C9: variants seen among roughly 807,000 people sequenced by gnomAD.
C9 encodes the protein complement component C9.
C9 carries 63 observed loss-of-function variants against 65.4 expected under a neutral mutation model. The observed-to-expected ratio is 0.96, with a 90% confidence interval of 0.79 to 1.19. The LOEUF (loss-of-function observed/expected upper bound fraction) is 1.19, where lower values mean the gene tolerates loss of function less well. Among genes scored for constraint, C9 ranks in the 50% most tolerant of loss-of-function variants. The pLI, the probability that C9 is intolerant of heterozygous loss-of-function variation, is 0.00. For missense variants in C9, 744 were observed against 670.1 expected, an observed-to-expected ratio of 1.11 and a Z score of -1.22; for synonymous variants, 229 against 227.9, an observed-to-expected ratio of 1.00 and a Z score of -0.04.
chr5:39,350,510 C>T (rs148755350), intron 1 of C9, among the ~76,000 whole-genome samples: 45 of 152,250 alleles, frequency 3.0e-4, no homozygotes, highest in Non-Finnish European at 5.6e-4. Flanking sequence ...TCCCTTCTGC[C>T]TATGAGCCTG....
chr5:39,296,251 A>C (rs575481394), intron 9 of C9, among the ~76,000 whole-genome samples: 6 of 151,670 alleles, frequency 4.0e-5, no homozygotes, highest in Non-Finnish European at 8.9e-5. Flanking sequence ...AATGGGGAAA[A>C]ATATTTTCAA....
intron 1 of C9, among the ~76,000 whole-genome samples, chr5:39,357,425 T>C (rs756782119): frequency 6.6e-6 from 1 of 152,240 alleles, no homozygotes; most frequent in African/African-American, 2.4e-5. Context: ...GCTTCTCTCA[T>C]GTGCTTTAAA....
In C9 at chr5:39,339,279, A is replaced by T. The variant is rs138659438; in HGVS notation, c.476+1867T>A. Among the ~76,000 whole-genome samples the T allele has an allele frequency of 5.4e-3, 818 of 152,320 alleles. 6 individuals carry two copies. The highest frequency in any genetic ancestry group is 0.017 in the African/African-American group (711 of 41,566). ...TTAGGCTAAGGGCCAAAGGCACTGT[A>T]AGTAATTTTGAATGCTGCTTGAACA... On this transcript the variant is annotated intron_variant, in intron 4 of 10. Coordinates refer to ENST00000263408, the MANE Select transcript of C9 (RefSeq NM_001737.5).
chr5:39,289,787 G>A (rs1030129828), intron 9 of C9, among the ~76,000 whole-genome samples: 1 of 151,740 alleles, frequency 6.6e-6, no homozygotes, highest in African/African-American at 2.4e-5. Context: ...ATGAACTAAA[G>A]GCATATGTAA....
intron 1 of C9, among the ~76,000 whole-genome samples, chr5:39,343,890 C>T (rs749936910): frequency 9.2e-5 from 14 of 152,278 alleles, no homozygotes; most frequent in South Asian, 2.1e-4. Context: ...CTGCAGCCTC[C>T]GCCACTGATA....
At chr5:39,310,991 G>T in intron 7 of C9, 146 bp downstream of exon 7, 1 of 867,686 alleles carries the variant, frequency 1.2e-6, no homozygotes. Context: ...GGTTTTAGGT[G>T]CCAAAGGGCA....
Position 39,284,191 on chromosome 5 carries a change from T to A in C9, c.*1008A>T, listed in dbSNP as rs1752947291. ...ATTAATAGTAACAATAAAGTTAACATGATACATACTGATGTTTAAGCATTT... is the reference window on the plus strand; with the variant it reads ...ATTAATAGTAACAATAAAGTTAACAAGATACATACTGATGTTTAAGCATTT... On this transcript the variant is annotated 3_prime_UTR_variant, in exon 11 of 11. Transcript: ENST00000263408. 6.6e-6 allele frequency: 1 copy of A among 152,210 alleles called. No homozygotes were observed. Among genetic ancestry groups the A allele is most frequent in the African/African-American group, 2.4e-5 (1 of 41,464 alleles). The allele number at this position is 152,210 out of a possible 1,614,324, so 9.4% of individuals were successfully genotyped here.
intron 6 of C9, among the ~76,000 whole-genome samples, chr5:39,315,177 T>C (rs1195587225): frequency 2.0e-5 from 3 of 152,156 alleles, no homozygotes; most frequent in Admixed American, 6.6e-5. Flanking sequence ...TAAGTGACTG[T>C]GGTATCAGAA....
chr5:39,354,640 T>G, intron 1 of C9, among the ~76,000 whole-genome samples: 1 of 152,198 alleles, frequency 6.6e-6, no homozygotes, highest in East Asian at 1.9e-4. Context: ...TCCAGGTATT[T>G]GATATTCAAG....
intron 5 of C9, among the ~76,000 whole-genome samples, chr5:39,325,643 A>G (rs1035299835): frequency 6.6e-6 from 1 of 152,044 alleles, no homozygotes; most frequent in Non-Finnish European, 1.5e-5. Flanking sequence ...ACGGTGGCGC[A>G]CGCCTCAAAT....
At chr5:39,359,599 G>A (rs186318720) in intron 1 of C9, among the ~76,000 whole-genome samples, 17 of 152,268 alleles carry the variant, frequency 1.1e-4, no homozygotes, top group Admixed American at 6.5e-4. Flanking sequence ...CATTGAGATT[G>A]ATTCAGTAAA....
At chr5:39,325,730 C>T (rs1753737931) in intron 5 of C9, among the ~76,000 whole-genome samples, 2 of 146,472 alleles carry the variant, frequency 1.4e-5, no homozygotes, top group African/African-American at 5.1e-5. Flanking sequence ...TGAGATTGCG[C>T]CACTGCACTC....
intron 4 of C9, among the ~76,000 whole-genome samples, chr5:39,336,518 A>C (rs1753968874): frequency 6.6e-6 from 1 of 152,130 alleles, no homozygotes; most frequent in South Asian, 2.1e-4. Flanking sequence ...AGGTATCTTA[A>C]ATTTTTAAAA....
At chr5:39,330,960 CT>C (rs1753828299) in intron 5 of C9, among the ~76,000 whole-genome samples, 1 of 152,166 alleles carries the variant, frequency 6.6e-6, no homozygotes, top group Admixed American at 6.5e-5. Context: ...TAAGGCAGAC[CT>C]TGTGGCTCTT....
Position 39,290,723 on chromosome 5 carries a change from G to C in C9, c.1417-1772C>G, listed in dbSNP as rs184150981. ...TGGGCCCAGTATTCTAGGGCTACTA[G>C]TCCTCTTGACACATTTCCTAATTCA... On this transcript the variant is annotated intron_variant, in intron 9 of 10. Coordinates refer to ENST00000263408, the MANE Select transcript of C9 (RefSeq NM_001737.5). 2.8e-3 allele frequency among the ~76,000 whole-genome samples: 427 copies of C among 151,970 alleles called. 1 individual carries two copies. Among genetic ancestry groups the C allele is most frequent in the African/African-American group, 0.01 (418 of 41,496 alleles).
chr5:39,285,700 C>CT (rs35852227), intron 10 of C9, among the ~76,000 whole-genome samples: 38,825 of 143,936 alleles, frequency 0.27, 5,807 homozygotes, highest in Non-Finnish European at 0.36. Flanking sequence ...TGTTTTGTTT[C>CT]TTTTTTTTTT....
chr5:39,326,653 A>G (rs912640210), intron 5 of C9, among the ~76,000 whole-genome samples: 3 of 152,196 alleles, frequency 2.0e-5, no homozygotes, highest in Non-Finnish European at 4.4e-5. Context: ...GCATGAGTTT[A>G]TTTGTAGAAC....
intron 4 of C9, among the ~76,000 whole-genome samples, chr5:39,337,051 A>G (rs1295588520): frequency 1.3e-5 from 2 of 152,132 alleles, no homozygotes; most frequent in African/African-American, 4.8e-5. Context: ...GCTCTTAAAA[A>G]GTAAGAAGTA....
chr5:39,362,278 C>T (rs1427770868), intron 1 of C9, among the ~76,000 whole-genome samples: 2 of 151,794 alleles, frequency 1.3e-5, no homozygotes, highest in Non-Finnish European at 2.9e-5. Context: ...TAGGGTGGGC[C>T]CTAATCCAAT....
Sources: allele counts gnomAD v4.1 joint callset (sites outside exome capture counted in the v4.1 genomes callset), GRCh38; gene constraint gnomAD v4.1.1; transcripts MANE v1.5; gene names NCBI Gene and HGNC (gene_info 2026-07-23, HGNC 2026-07-21).